KDM6A: variants seen among roughly 807,000 people sequenced by gnomAD.
The protein encoded by KDM6A is lysine-specific demethylase 6A.
Under a neutral mutation model 117.6 loss-of-function variants are expected in KDM6A, and 11 were observed. The ratio of observed to expected loss-of-function variants is 0.09; its 90% CI spans 0.06 to 0.15. The LOEUF is 0.15. Among genes scored for constraint, KDM6A ranks in the 10% least tolerant of loss-of-function variants. KDM6A has a pLI of 1.00. For missense variants in KDM6A, 799 were observed against 1,077.3 expected (o/e 0.74, Z 3.62); for synonymous variants, 384 against 396.1 (o/e 0.97, Z 0.36).
chrX:45,004,172 C>T (rs1209269409), intron 4 of KDM6A, among the ~76,000 whole-genome samples: 1 of 110,451 alleles, frequency 9.1e-6, no homozygotes, highest in Non-Finnish European at 1.9e-5. Context: ...GTCCTTCCTC[C>T]TTAGTTCTGG....
intron 12 of KDM6A, among the ~76,000 whole-genome samples, chrX:45,059,705 A>G (rs752103860): frequency 8.9e-6 from 1 of 111,924 alleles, no homozygotes; most frequent in African/African-American, 3.2e-5. Context: ...AATTTACATA[A>G]TTTTTTTCTA....
chrX:44,992,206 C>CTT lies in KDM6A; in HGVS notation c.384+17525_384+17526dup, dbSNP rs779979560. Among the ~76,000 whole-genome samples, 200 of 32,066 alleles carry CTT rather than the reference C, an allele frequency of 6.2e-3. 28 individuals are homozygous for CTT. The highest frequency in any genetic ancestry group is 9.6e-3 in the Non-Finnish European group (165 of 17,146). 27.8% of individuals were successfully genotyped at this position (32,066 alleles called of 115,157 possible). A position where few individuals can be genotyped will look rare whatever the true frequency, so the allele number is the denominator to read the frequency against. On this transcript the variant is annotated intron_variant, in intron 4 of 29. Coordinates refer to ENST00000611820, the MANE Select transcript of KDM6A (RefSeq NM_001291415.2). ...CGAAATTTAGCAATACTGTCTTCTT[C>CTT]TTTTTTTTTTTTTTTTTTTTTTTTT...
Position 45,063,467 on chromosome X carries a change from A to G in KDM6A, c.1729A>G (p.Asn577Asp), listed in dbSNP as rs2044393224. 2 of 1,209,023 alleles carry G rather than the reference A, an allele frequency of 1.7e-6. No individual in the cohort carries two copies. The highest frequency in any genetic ancestry group is 2.2e-6 in the Non-Finnish European group (2 of 894,575). Residue 577 changes from asparagine (N) to aspartate (D), a missense_variant, in exon 17 of 30, where the codon AAT becomes GAT. Around this residue, in one of 8 missense-constraint regions of KDM6A, gnomAD observed 301 missense variants for 318.3 expected, o/e 0.95. Coordinates refer to ENST00000611820, the MANE Select transcript of KDM6A (RefSeq NM_001291415.2). ...ACAGGTACGATCTACTGGAATTCCT[A>G]ATGGGCCAACAGCTGACTCATCACT... is the stretch of plus-strand genomic sequence containing the variant. ...VAQVRSTGIP[N>D]GPTADSSLPT...
intron 4 of KDM6A, among the ~76,000 whole-genome samples, chrX:45,003,706 T>C (rs1360057670): frequency 1.8e-5 from 2 of 110,064 alleles, no homozygotes; most frequent in African/African-American, 6.6e-5. Context: ...TATCTCTCTC[T>C]CTCTCTTTCT....
At chrX:44,916,859 T>C (rs1026649304) in intron 2 of KDM6A, among the ~76,000 whole-genome samples, 3 of 109,549 alleles carry the variant, frequency 2.7e-5, no homozygotes, top group Admixed American at 9.8e-5. Context: ...TTGCCCAGGC[T>C]GATCTTGAAC....
intron 28 of KDM6A, 94 bp from the exon 29 acceptor site, chrX:45,109,985 C>T: frequency 1.2e-6 from 1 of 861,635 alleles, no homozygotes; most frequent in Non-Finnish European, 1.7e-6. Flanking sequence ...TCACTGTCCA[C>T]AATTTCATTC....
At chrX:44,922,133 C>T (rs1458966130) in intron 2 of KDM6A, among the ~76,000 whole-genome samples, 1 of 94,891 alleles carries the variant, frequency 1.1e-5, no homozygotes, top group Non-Finnish European at 2.1e-5. Context: ...GCCTCTGCCT[C>T]CCGGGTTTAA....
At chrX:44,901,382 G>A (rs979973063) in intron 2 of KDM6A, among the ~76,000 whole-genome samples, 1 of 110,452 alleles carries the variant, frequency 9.1e-6, no homozygotes, top group East Asian at 2.8e-4. Flanking sequence ...ATATATACGG[G>A]GACTTGTTTT....
At chrX:44,893,673 C>G (rs1165617075) in intron 2 of KDM6A, among the ~76,000 whole-genome samples, 3 of 109,802 alleles carry the variant, frequency 2.7e-5, no homozygotes, top group African/African-American at 1.0e-4. Context: ...CCATGCCTGG[C>G]TAATTTTTTG....
At chrX:44,908,874 A>G (rs1569408259) in intron 2 of KDM6A, among the ~76,000 whole-genome samples, 1 of 112,127 alleles carries the variant, frequency 8.9e-6, no homozygotes. Context: ...GAACAGAGAT[A>G]ACTCCATTTT....
intron 4 of KDM6A, among the ~76,000 whole-genome samples, chrX:45,001,981 T>C (rs985685281): frequency 1.8e-5 from 2 of 111,249 alleles, no homozygotes; most frequent in African/African-American, 6.6e-5. Flanking sequence ...GCTAAAAGAC[T>C]TTTAGTTTTG....
At chrX:44,887,048 G>A (rs1277171649) in intron 2 of KDM6A, among the ~76,000 whole-genome samples, 6 of 105,750 alleles carry the variant, frequency 5.7e-5, no homozygotes, top group Admixed American at 1.0e-4. Context: ...TCAGCCTCCC[G>A]AGTAGCTGGG....
At chrX:45,097,552 T>A (rs1428741141) in intron 27 of KDM6A, among the ~76,000 whole-genome samples, 2 of 110,822 alleles carry the variant, frequency 1.8e-5, no homozygotes, top group Non-Finnish European at 3.8e-5. Flanking sequence ...ACCACATGAG[T>A]TTATGCAAGA....
intron 2 of KDM6A, among the ~76,000 whole-genome samples, chrX:44,937,483 T>C (rs1410581804): frequency 1.8e-5 from 2 of 111,914 alleles, no homozygotes; most frequent in African/African-American, 6.5e-5. Flanking sequence ...TTCATTATTA[T>C]TGTATCTATT....
chrX:45,084,845 CA>C (rs1184537459), intron 24 of KDM6A, among the ~76,000 whole-genome samples: 1 of 111,376 alleles, frequency 9.0e-6, no homozygotes, highest in Non-Finnish European at 1.9e-5. Context: ...CTGGACCTCC[CA>C]AAGTGCTGGG....
At chrX:45,047,386 A>G (rs1348036228) in intron 8 of KDM6A, among the ~76,000 whole-genome samples, 1 of 97,963 alleles carries the variant, frequency 1.0e-5, no homozygotes, top group Non-Finnish European at 2.1e-5. Context: ...TTTTTTTTTT[A>G]ACTTTTAACT....
intron 2 of KDM6A, among the ~76,000 whole-genome samples, chrX:44,929,319 T>G (rs974035382): frequency 1.5e-4 from 17 of 109,879 alleles, no homozygotes; most frequent in African/African-American, 5.7e-4. Flanking sequence ...TTTTGGAATT[T>G]GCTTCTCTCT....
intron 5 of KDM6A, among the ~76,000 whole-genome samples, chrX:45,019,619 G>C (rs916561429): frequency 2.7e-5 from 3 of 111,589 alleles, no homozygotes; most frequent in Non-Finnish European, 5.7e-5. Flanking sequence ...CCACTTTAAG[G>C]TCTGTAGGGG....
rs2148289297 is a variant in KDM6A at position 45,107,494 on chromosome X, G to A, written c.4119G>A (p.Gly1373=). ...CAGGAAAAGAGATTATATGGCATGG[G>A]CGGACAAAAGAAGAACCAGCTCATT... The part of the protein sequence containing the change: ...IAAGKEIIWH[G]RTKEEPAHYC... Residue 1373 remains glycine (G), a synonymous_variant, in exon 28 of 30, where the codon GGG becomes GGA. Transcript: ENST00000611820. 3 of 1,210,114 alleles carry A rather than the reference G, an allele frequency of 2.5e-6. No individual in the cohort carries two copies. The highest frequency in any genetic ancestry group is 3.4e-6 in the Non-Finnish European group (3 of 894,031).
Sources: allele counts gnomAD v4.1 joint callset (sites outside exome capture counted in the v4.1 genomes callset), GRCh38; gene constraint gnomAD v4.1.1; regional missense constraint gnomAD v4.1.1; transcripts MANE v1.5; gene names NCBI Gene and HGNC (gene_info 2026-07-23, HGNC 2026-07-21).